The following LRRC4C variants were observed in gnomAD, a reference collection of about 807,000 sequenced individuals.
LRRC4C encodes leucine-rich repeat-containing protein 4C.
Under a neutral mutation model 33.6 loss-of-function variants are expected in LRRC4C, and 5 were observed. The ratio of observed to expected loss-of-function variants is 0.15; its 90% CI spans 0.08 to 0.31. The LOEUF is 0.31. LRRC4C is among the 10% of genes least tolerant of loss of function. The probability of loss-of-function intolerance (pLI) is 1.00; values close to 1 mark genes in which losing one functional copy is unlikely to be tolerated. For missense variants in LRRC4C, 560 were observed against 796.7 expected (o/e 0.70, Z 3.58); for synonymous variants, 329 against 302.0 (o/e 1.09, Z -0.93).
At chr11:41,405,995 G>A (rs1954217439) in intron 1 of LRRC4C, among the ~76,000 whole-genome samples, 2 of 152,106 alleles carry the variant, frequency 1.3e-5, no homozygotes, top group Admixed American at 6.5e-5. Context: ...CAGGACAGCT[G>A]TCTCCCTAGA....
chr11:41,320,504 C>T (rs915712860), intron 1 of LRRC4C, among the ~76,000 whole-genome samples: 2 of 152,188 alleles, frequency 1.3e-5, no homozygotes, highest in African/African-American at 2.4e-5. Flanking sequence ...TGGTCCTTTT[C>T]ATCAGCTCCA....
intron 3 of LRRC4C, among the ~76,000 whole-genome samples, chr11:40,483,021 C>A (rs534466406): frequency 6.6e-6 from 1 of 152,264 alleles, no homozygotes; most frequent in East Asian, 1.9e-4. Flanking sequence ...AGAAAGTCCC[C>A]ATTTACCTAT....
intron 2 of LRRC4C, among the ~76,000 whole-genome samples, chr11:40,694,010 C>T (rs1352197932): frequency 1.3e-5 from 2 of 152,042 alleles, no homozygotes; most frequent in Non-Finnish European, 2.9e-5. Flanking sequence ...CTTATTGAGA[C>T]CGTGAAAAAC....
At chr11:41,390,556 T>G (rs1953550050) in intron 1 of LRRC4C, among the ~76,000 whole-genome samples, 1 of 151,926 alleles carries the variant, frequency 6.6e-6, no homozygotes, top group Non-Finnish European at 1.5e-5. Flanking sequence ...ACCTTTCAGT[T>G]TGCTAATCCT....
chr11:40,578,995 T>C (rs982726220), intron 3 of LRRC4C, among the ~76,000 whole-genome samples: 1 of 152,174 alleles, frequency 6.6e-6, no homozygotes, highest in Admixed American at 6.6e-5. Flanking sequence ...TATGTGATAG[T>C]TTGGGATTCA....
At chr11:40,677,258 T>C (rs975121616) in intron 2 of LRRC4C, among the ~76,000 whole-genome samples, 2 of 151,982 alleles carry the variant, frequency 1.3e-5, no homozygotes, top group South Asian at 2.1e-4. Flanking sequence ...TGGTGGCAGA[T>C]ACCTGTAATC....
At chr11:41,030,256 A>G (rs993892391) in intron 1 of LRRC4C, among the ~76,000 whole-genome samples, 1 of 151,860 alleles carries the variant, frequency 6.6e-6, no homozygotes, top group Non-Finnish European at 1.5e-5. Context: ...TTCATTCATT[A>G]TTTTTGCATG....
chr11:40,803,590 ATATT>A (rs1951125182), intron 2 of LRRC4C, among the ~76,000 whole-genome samples: 3 of 152,058 alleles, frequency 2.0e-5, no homozygotes, highest in South Asian at 4.1e-4. Context: ...ATTTTTTTTA[ATATT>A]TAATTTTTAA....
At chr11:40,496,349 C>T (rs901997603) in intron 3 of LRRC4C, among the ~76,000 whole-genome samples, 6 of 151,926 alleles carry the variant, frequency 3.9e-5, no homozygotes, top group East Asian at 1.9e-4. Flanking sequence ...ATATTTAAGG[C>T]GTATAAAGTG....
At chr11:40,480,512 C>T (rs534974814) in intron 3 of LRRC4C, among the ~76,000 whole-genome samples, 1 of 152,042 alleles carries the variant, frequency 6.6e-6, no homozygotes, top group East Asian at 1.9e-4. Context: ...AAAAAACTAC[C>T]TGTCAGGTAC....
At chr11:41,127,988 T>C (rs1590687256) in intron 1 of LRRC4C, among the ~76,000 whole-genome samples, 1 of 152,132 alleles carries the variant, frequency 6.6e-6, no homozygotes, top group Non-Finnish European at 1.5e-5. Context: ...TGGCTGGCCC[T>C]GAATCTCTTA....
At chr11:40,996,200 G>A (rs1853960797) in intron 1 of LRRC4C, among the ~76,000 whole-genome samples, 1 of 152,082 alleles carries the variant, frequency 6.6e-6, no homozygotes, top group South Asian at 2.1e-4. Flanking sequence ...AGAGGCATTA[G>A]GCAGATAAGA....
intron 1 of LRRC4C, among the ~76,000 whole-genome samples, chr11:41,219,171 T>G (rs1947194394): frequency 6.6e-6 from 1 of 152,144 alleles, no homozygotes; most frequent in South Asian, 2.1e-4. Flanking sequence ...TGTAGTTAAT[T>G]ATGGGTAGAT....
chr11:40,577,552 G>A (rs921716839), intron 3 of LRRC4C, among the ~76,000 whole-genome samples: 2 of 152,150 alleles, frequency 1.3e-5, no homozygotes, highest in Non-Finnish European at 2.9e-5. Context: ...AAAAGGGGTG[G>A]CTTTGCCTCT....
chr11:40,866,417 C>T (rs1371743323), intron 2 of LRRC4C, among the ~76,000 whole-genome samples: 2 of 152,026 alleles, frequency 1.3e-5, no homozygotes, highest in Non-Finnish European at 1.5e-5. Context: ...ATGAAAATCA[C>T]GTACATTTTC....
chr11:40,407,782 G>A (rs1477358577), intron 3 of LRRC4C, among the ~76,000 whole-genome samples: 2 of 151,980 alleles, frequency 1.3e-5, no homozygotes, highest in East Asian at 1.9e-4. Flanking sequence ...ACCCATTAGT[G>A]ATTAAGACCA....
chr11:41,278,467 G>A (rs993931446), intron 1 of LRRC4C, among the ~76,000 whole-genome samples: 3 of 152,092 alleles, frequency 2.0e-5, no homozygotes, highest in Non-Finnish European at 4.4e-5. Flanking sequence ...ACTTCAAAAC[G>A]TTATGTTGTA....
intron 4 of LRRC4C, among the ~76,000 whole-genome samples, chr11:40,271,203 C>T (rs1444199769): frequency 1.3e-5 from 2 of 152,080 alleles, no homozygotes; most frequent in Non-Finnish European, 2.9e-5. Context: ...GTTCCCAATA[C>T]CCCTTCCCTT....
chr11:41,454,915 C>A (rs1257699016), intron 1 of LRRC4C, among the ~76,000 whole-genome samples: 3 of 152,042 alleles, frequency 2.0e-5, no homozygotes. Flanking sequence ...CTAGAGAAGT[C>A]CAATTTTGTG....
Sources: allele counts gnomAD v4.1 joint callset (sites outside exome capture counted in the v4.1 genomes callset), GRCh38; gene constraint gnomAD v4.1.1; transcripts MANE v1.5; gene names NCBI Gene and HGNC (gene_info 2026-07-23, HGNC 2026-07-21).